The following ZNF804B variants were observed in gnomAD, a reference collection of about 807,000 sequenced individuals.
The protein encoded by ZNF804B is zinc finger 804B.
Under a neutral mutation model 101.4 loss-of-function variants are expected in ZNF804B, and 80 were observed. The observed-to-expected ratio is 0.79, with a 90% CI of 0.66 to 0.95. The LOEUF is 0.95. ZNF804B is among the 40% of genes least tolerant of loss of function. The pLI, the probability that ZNF804B is intolerant of heterozygous loss-of-function variation, is 0.00. For missense variants in ZNF804B, 1,673 were observed against 1,561.9 expected (o/e 1.07, Z -1.20); for synonymous variants, 622 against 558.8 (o/e 1.11, Z -1.59).
chr7:89,142,453 C>T lies in ZNF804B; in HGVS notation c.109-75702C>T, dbSNP rs115355944. The stretch of plus-strand genomic sequence containing the variant: ...ACATTCCAAATACCATTGCCATGAC[C>T]TTTGCTCTTGGCAGATGTGGTTTTG... On this transcript the variant is annotated intron_variant, in intron 1 of 3. Transcript: ENST00000333190. Among the ~76,000 whole-genome samples, 1,373 of 152,056 alleles carry T rather than the reference C, an allele frequency of 9.0e-3. 21 individuals carry two copies. The highest frequency in any genetic ancestry group is 0.032 in the African/African-American group (1,333 of 41,544).
At chr7:88,908,694 A>C (rs938530072) in intron 1 of ZNF804B, among the ~76,000 whole-genome samples, 2 of 151,778 alleles carry the variant, frequency 1.3e-5, no homozygotes, top group African/African-American at 4.8e-5. Flanking sequence ...TTTTAGAAGA[A>C]GGGGAACATT....
chr7:88,950,444 A>G (rs932446067), intron 1 of ZNF804B, among the ~76,000 whole-genome samples: 1 of 150,678 alleles, frequency 6.6e-6, no homozygotes, highest in Admixed American at 6.7e-5. Flanking sequence ...TCATTCTTGC[A>G]TTGAGAGATA....
intron 1 of ZNF804B, among the ~76,000 whole-genome samples, chr7:89,161,255 G>GA (rs1791058147): frequency 6.6e-6 from 1 of 151,870 alleles, no homozygotes; most frequent in African/African-American, 2.4e-5. Flanking sequence ...AACCCAGCAG[G>GA]ATGCATCTAG....
At chr7:89,086,272 G>A (rs1789800126) in intron 1 of ZNF804B, among the ~76,000 whole-genome samples, 1 of 151,890 alleles carries the variant, frequency 6.6e-6, no homozygotes, top group Admixed American at 6.6e-5. Context: ...TGTAAAAATG[G>A]TTCATTATGC....
chr7:88,929,469 A>T (rs892994798), intron 1 of ZNF804B, among the ~76,000 whole-genome samples: 1 of 152,014 alleles, frequency 6.6e-6, no homozygotes, highest in Non-Finnish European at 1.5e-5. Flanking sequence ...GTCTTTATAC[A>T]GTTATCACCT....
intron 1 of ZNF804B, among the ~76,000 whole-genome samples, chr7:89,034,825 G>C (rs866616459): frequency 1.3e-5 from 2 of 152,128 alleles, no homozygotes; most frequent in Middle Eastern, 3.2e-3. Context: ...GGAATTGCCA[G>C]ACTGTCTTCC....
At chr7:88,923,867 G>C (rs1031686092) in intron 1 of ZNF804B, among the ~76,000 whole-genome samples, 2 of 152,048 alleles carry the variant, frequency 1.3e-5, no homozygotes, top group Non-Finnish European at 2.9e-5. Context: ...AAGGTACCAT[G>C]ATATCCCTAC....
chr7:88,940,768 A>AATAATAAT (rs1793043013), intron 1 of ZNF804B, among the ~76,000 whole-genome samples: 1 of 139,488 alleles, frequency 7.2e-6, no homozygotes, highest in Non-Finnish European at 1.5e-5. Context: ...ACCCTATTTA[A>AATAATAAT]AATAATAATA....
Position 89,335,316 on chromosome 7 carries a change from A to G in ZNF804B, c.2334A>G (p.Glu778=), listed in dbSNP as rs1382551358. Residue 778 remains glutamate (E), a synonymous_variant, in exon 4 of 4, where the codon GAA becomes GAG. Coordinates refer to ENST00000333190, the MANE Select transcript of ZNF804B (RefSeq NM_181646.5). ...CAAAGAGCAGCCAAATGCAGTCTGA[A>G]CCACAGAAAGAGAGGAACTGCAAAT... is the stretch of plus-strand genomic sequence containing the variant. The part of the protein sequence containing the change: ...DITKSSQMQS[E]PQKERNCKLW... 4.3e-6 allele frequency: 7 copies of G among 1,613,744 alleles called. No homozygotes were observed. The South Asian group carries it at 7.7e-5, about 18-fold the overall frequency.
intron 1 of ZNF804B, among the ~76,000 whole-genome samples, chr7:88,796,458 A>G (rs17164406): frequency 0.098 from 14,967 of 152,156 alleles, 1,167 homozygotes; most frequent in East Asian, 0.31. Flanking sequence ...GATGTAAACC[A>G]TGGTGCCAAA....
At position 88,838,988 on chromosome 7, in the gene ZNF804B, C is replaced by T. The variant is rs182406840; in HGVS notation, c.108+78904C>T. On this transcript the variant is annotated intron_variant, in intron 1 of 3. Transcript: ENST00000333190. ...AATTTCAGTTACTAATACATGTAAC[C>T]AGACCTCATACAATTACGGTTAACT... 2.6e-3 allele frequency among the ~76,000 whole-genome samples: 399 copies of T among 152,054 alleles called. 1 individual carries two copies. The highest frequency in any genetic ancestry group is 9.2e-3 in the African/African-American group (383 of 41,526).
At chr7:88,938,550 C>A (rs1258923227) in intron 1 of ZNF804B, among the ~76,000 whole-genome samples, 1 of 151,846 alleles carries the variant, frequency 6.6e-6, no homozygotes, top group Non-Finnish European at 1.5e-5. Flanking sequence ...AAATAAAAGC[C>A]ATCTGATGAG....
chr7:89,254,169 G>T (rs924055296), intron 2 of ZNF804B, among the ~76,000 whole-genome samples: 1 of 151,876 alleles, frequency 6.6e-6, no homozygotes, highest in Admixed American at 6.6e-5. Context: ...GGATTAAAAT[G>T]TTTAATAATC....
chr7:88,914,279 A>G (rs1468676594), intron 1 of ZNF804B, among the ~76,000 whole-genome samples: 1 of 152,202 alleles, frequency 6.6e-6, no homozygotes, highest in Non-Finnish European at 1.5e-5. Flanking sequence ...AATGGCTTAC[A>G]GAGAGGATTT....
chr7:89,142,764 T>G (rs993931772), intron 1 of ZNF804B, among the ~76,000 whole-genome samples: 3 of 152,030 alleles, frequency 2.0e-5, no homozygotes, highest in African/African-American at 4.8e-5. Flanking sequence ...CTATTAATTC[T>G]TAGTTCTCTT....
intron 1 of ZNF804B, among the ~76,000 whole-genome samples, chr7:89,096,370 G>A (rs1789972686): frequency 6.6e-6 from 1 of 152,084 alleles, no homozygotes; most frequent in African/African-American, 2.4e-5. Context: ...AATCATAAAG[G>A]AAAGAGTTGC....
At chr7:89,100,108 C>T (rs1217950435) in intron 1 of ZNF804B, among the ~76,000 whole-genome samples, 1 of 151,952 alleles carries the variant, frequency 6.6e-6, no homozygotes, top group Non-Finnish European at 1.5e-5. Flanking sequence ...TGACAAGAAA[C>T]CATATTTTTT....
At chr7:88,991,047 A>G (rs1323378608) in intron 1 of ZNF804B, among the ~76,000 whole-genome samples, 1 of 152,154 alleles carries the variant, frequency 6.6e-6, no homozygotes, top group Non-Finnish European at 1.5e-5. Flanking sequence ...GGAATAGAAA[A>G]ATTAAGAAAT....
At chr7:89,101,948 G>T (rs1790061812) in intron 1 of ZNF804B, among the ~76,000 whole-genome samples, 1 of 151,840 alleles carries the variant, frequency 6.6e-6, no homozygotes, top group African/African-American at 2.4e-5. Flanking sequence ...ACTTATAAGT[G>T]AGAACATGCA....
Sources: gnomAD v4.1 joint callset for allele counts (sites outside exome capture counted in the v4.1 genomes callset) on GRCh38, gnomAD v4.1.1 for gene constraint, MANE v1.5 for transcripts, NCBI Gene and HGNC (gene_info 2026-07-23, HGNC 2026-07-21) for gene names.